The following CDKAL1 variants were observed in gnomAD, a reference collection of about 807,000 sequenced individuals.
CDKAL1 encodes the protein CDKAL1 threonylcarbamoyladenosine tRNA methylthiotransferase.
CDKAL1 carries 32 observed loss-of-function variants against 68.2 expected under a neutral mutation model. The ratio of observed to expected loss-of-function variants is 0.47; its 90% CI spans 0.35 to 0.63. The LOEUF is 0.63. CDKAL1 is among the 30% of genes least tolerant of loss of function. The probability of loss-of-function intolerance (pLI) is 0.00; values close to 1 mark genes in which losing one functional copy is unlikely to be tolerated. For synonymous variants in CDKAL1, 234 were observed against 244.3 expected (o/e 0.96, Z 0.39); for missense variants, 606 against 696.7 (o/e 0.87, Z 1.47).
chr6:21,226,799 G>A (rs886764579), intron 15 of CDKAL1, among the ~76,000 whole-genome samples: 3 of 152,074 alleles, frequency 2.0e-5, no homozygotes, highest in African/African-American at 4.8e-5. Context: ...TGCAAGCTTC[G>A]CCTCCTGGGT....
At chr6:20,757,641 A>C (rs1459462154) in intron 6 of CDKAL1, among the ~76,000 whole-genome samples, 1 of 152,212 alleles carries the variant, frequency 6.6e-6, no homozygotes, top group Non-Finnish European at 1.5e-5. Context: ...ATGCCAGAAA[A>C]TGTCATGGTA....
At chr6:21,021,872 T>A (rs1012331845) in intron 11 of CDKAL1, among the ~76,000 whole-genome samples, 1 of 152,202 alleles carries the variant, frequency 6.6e-6, no homozygotes, top group Non-Finnish European at 1.5e-5. Context: ...CACCTTATGG[T>A]CCTTGTTGCT....
At chr6:20,705,005 T>C (rs1321100210) in intron 5 of CDKAL1, among the ~76,000 whole-genome samples, 2 of 152,230 alleles carry the variant, frequency 1.3e-5, no homozygotes, top group Non-Finnish European at 2.9e-5. Flanking sequence ...TAATTTCTTA[T>C]TGTACTTGGG....
intron 4 of CDKAL1, among the ~76,000 whole-genome samples, chr6:20,633,228 G>A (rs1288079777): frequency 6.6e-6 from 1 of 152,052 alleles, no homozygotes; most frequent in Non-Finnish European, 1.5e-5. Flanking sequence ...GCAATCACCA[G>A]TCTACTTTCT....
At chr6:20,754,122 G>A (rs891025228) in intron 6 of CDKAL1, among the ~76,000 whole-genome samples, 1 of 152,076 alleles carries the variant, frequency 6.6e-6, no homozygotes, top group Non-Finnish European at 1.5e-5. Context: ...TAGGACTACA[G>A]GTGAGCACCA....
intron 5 of CDKAL1, among the ~76,000 whole-genome samples, chr6:20,655,454 G>A (rs1055797481): frequency 2.0e-5 from 3 of 152,178 alleles, no homozygotes; most frequent in African/African-American, 4.8e-5. Context: ...GGCTGTAGAC[G>A]TGTACTCGTC....
At chr6:20,939,867 G>T (rs1012158244) in intron 9 of CDKAL1, among the ~76,000 whole-genome samples, 1 of 152,042 alleles carries the variant, frequency 6.6e-6, no homozygotes, top group African/African-American at 2.4e-5. Flanking sequence ...CCCATGTATG[G>T]CAAATTACAT....
At chr6:20,587,577 TAAA>T (rs1336423526) in intron 4 of CDKAL1, among the ~76,000 whole-genome samples, 2 of 150,244 alleles carry the variant, frequency 1.3e-5, no homozygotes, top group African/African-American at 4.9e-5. Flanking sequence ...TACAAAAAAT[TAAA>T]AAATTAGCTG....
chr6:20,795,043 G>T (rs944109723), intron 8 of CDKAL1, among the ~76,000 whole-genome samples: 1 of 152,036 alleles, frequency 6.6e-6, no homozygotes, highest in African/African-American at 2.4e-5. Flanking sequence ...CTTCTGTTTT[G>T]GTGTGAGAGC....
chr6:20,739,478 T>A, intron 5 of CDKAL1, 41 bp from the exon 6 acceptor site: 1 of 1,276,618 alleles, frequency 7.8e-7, no homozygotes, highest in Non-Finnish European at 1.1e-6. Flanking sequence ...AGTATACCCA[T>A]GAGCAAAGGA....
At chr6:20,815,599 A>G (rs1777010288) in intron 8 of CDKAL1, among the ~76,000 whole-genome samples, 1 of 150,856 alleles carries the variant, frequency 6.6e-6, no homozygotes, top group Non-Finnish European at 1.5e-5. Flanking sequence ...CTTCCTGATT[A>G]GTTTAACTGA....
At chr6:20,963,680 T>C (rs1452044813) in intron 10 of CDKAL1, among the ~76,000 whole-genome samples, 2 of 152,214 alleles carry the variant, frequency 1.3e-5, no homozygotes, top group East Asian at 3.8e-4. Flanking sequence ...GTTTCTCATG[T>C]TGAAAATACT....
At chr6:20,973,440 A>G (rs1765689783) in intron 10 of CDKAL1, among the ~76,000 whole-genome samples, 1 of 152,172 alleles carries the variant, frequency 6.6e-6, no homozygotes, top group South Asian at 2.1e-4. Flanking sequence ...AGTAGGACCC[A>G]TGGGGAAATG....
rs764312240 is a variant in CDKAL1, at chr6:21,230,894, C to A, written c.1595C>A (p.Thr532Asn). Residue 532 changes from threonine to asparagine, a missense_variant, in exon 16 of 16, where the codon ACC (threonine) becomes AAC (asparagine). Thr to Asn is a moderately conservative substitution (Grantham distance 65). Coordinates refer to ENST00000274695, the MANE Select transcript of CDKAL1 (RefSeq NM_017774.3). ...AACCAGCTGAGTTCAGGATCCCACA[C>A]CTCTGCTGCATCTCAGTGTGACTCA... ...LGNQLSSGSH[T>N]SAASQCDSAS... is the part of the protein sequence containing the mutation. 60 of 1,613,640 alleles carry A rather than the reference C, an allele frequency of 3.7e-5. No homozygotes were observed. The highest frequency in any genetic ancestry group is 4.7e-5 in the Non-Finnish European group (56 of 1,179,714).
chr6:20,903,131 C>T (rs1762084298), intron 9 of CDKAL1, among the ~76,000 whole-genome samples: 1 of 152,120 alleles, frequency 6.6e-6, no homozygotes, highest in Non-Finnish European at 1.5e-5. Flanking sequence ...CAAATGTCTA[C>T]ATTTGAACAG....
At chr6:21,206,428 C>T (rs188948499) in intron 15 of CDKAL1, among the ~76,000 whole-genome samples, 1 of 152,162 alleles carries the variant, frequency 6.6e-6, no homozygotes, top group Admixed American at 6.5e-5. Context: ...AGTTTTACTA[C>T]TAATGTTCTT....
At chr6:20,797,760 CTTTATTTTAT>C (rs140101518) in intron 8 of CDKAL1, among the ~76,000 whole-genome samples, 12,553 of 119,298 alleles carry the variant, frequency 0.11, 700 homozygotes, top group Middle Eastern at 0.18. Flanking sequence ...TGATTGATTG[CTTTATTTTAT>C]TTTATTTTAT....
chr6:20,913,591 C>T (rs1302479793), intron 9 of CDKAL1, among the ~76,000 whole-genome samples: 1 of 152,168 alleles, frequency 6.6e-6, no homozygotes, highest in African/African-American at 2.4e-5. Flanking sequence ...CTGAGCACAC[C>T]GCATGGGCAG....
At chr6:20,596,288 TC>T (rs1765819887) in intron 4 of CDKAL1, among the ~76,000 whole-genome samples, 1 of 152,178 alleles carries the variant, frequency 6.6e-6, no homozygotes, top group Non-Finnish European at 1.5e-5. Context: ...AGGTGCTCTG[TC>T]CCAGGGAGAT....
Sources: gnomAD v4.1 joint callset for allele counts (sites outside exome capture counted in the v4.1 genomes callset) on GRCh38, gnomAD v4.1.1 for gene constraint, MANE v1.5 for transcripts, NCBI Gene and HGNC (gene_info 2026-07-23, HGNC 2026-07-21) for gene names.